Variants in TMEM201 observed in about 807,000 individuals in gnomAD.
TMEM201 encodes transmembrane protein 201, also known as RP13-15M17.2.
TMEM201 carries 26 observed loss-of-function variants against 63.4 expected under a neutral mutation model. The ratio of observed to expected loss-of-function variants is 0.41; its 90% CI spans 0.30 to 0.57. The LOEUF is 0.57. Ranked by LOEUF, TMEM201 falls within the 20% of genes least tolerant of loss-of-function variation. The probability of loss-of-function intolerance (pLI) is 0.29; values close to 1 mark genes in which losing one functional copy is unlikely to be tolerated. For missense variants in TMEM201, 794 were observed against 917.7 expected (o/e 0.87, Z 1.74); for synonymous variants, 417 against 421.6 (o/e 0.99, Z 0.14).
chr1:9,589,668 C>G (rs1439714415), intron 1 of TMEM201, among the ~76,000 whole-genome samples: 1 of 152,258 alleles, frequency 6.6e-6, no homozygotes, highest in African/African-American at 2.4e-5. Context: ...CTGCCCGGCT[C>G]ACGGGCCATG....
chr1:9,610,343 TCTC>T lies in TMEM201; in HGVS notation c.1466-157_1466-155del, dbSNP rs1299010369. ...CCTCAGGTGCCTGGTAGAGGGCACC[TCTC>T]CTCCTTCAGCTTTGCAGCAGGACTT... On this transcript the variant is annotated intron_variant, in intron 8 of 10. Coordinates refer to ENST00000340381, the MANE Select transcript of TMEM201 (RefSeq NM_001130924.3). The surrounding 1 kb of genome is among the most constrained non-coding windows in gnomAD (Gnocchi z 4.9). 6.6e-6 allele frequency among the ~76,000 whole-genome samples: 1 copy of T among 152,154 alleles called. No individual in the cohort carries two copies. The highest frequency in any genetic ancestry group is 1.5e-5 in the Non-Finnish European group (1 of 68,022).
rs1320553842 is a variant in TMEM201 at position 9,608,445 on chromosome 1, G to T, written c.1393+656G>T. 2.6e-5 allele frequency among the ~76,000 whole-genome samples: 4 copies of T among 152,180 alleles called. No individual in the cohort carries two copies. The highest frequency in any genetic ancestry group is 5.9e-5 in the Non-Finnish European group (4 of 68,026). Reference sequence around the variant, plus strand: ...GGAGGAGATGCTGATAACAGCCAAGGCCCCTCTCCTCTCGTGCAGTTACAG... The same window carrying T: ...GGAGGAGATGCTGATAACAGCCAAGTCCCCTCTCCTCTCGTGCAGTTACAG... On this transcript the variant is annotated intron_variant, in intron 7 of 10. Coordinates refer to ENST00000340381, the MANE Select transcript of TMEM201 (RefSeq NM_001130924.3). The surrounding 1 kb of genome is among the most constrained non-coding windows in gnomAD (Gnocchi z 4.3).
rs1644182007 is a variant in TMEM201, at chr1:9,603,314, G to A, written c.1160+1042G>A. On this transcript the variant is annotated intron_variant, in intron 6 of 10. Transcript: ENST00000340381. This position sits in a 1 kb window ranked among gnomAD's most constrained non-coding sequence, Gnocchi z 4.5. ...GGACCCCTCTCCATAGCCCTTGGGT[G>A]CCAGCTCAGTGGGTGTGGGGATCAC... 2.0e-6 allele frequency: 2 copies of A among 985,000 alleles called. No homozygotes were observed. The highest frequency in any genetic ancestry group is 2.4e-6 in the Non-Finnish European group (2 of 829,510). The allele number at this position is 985,000 out of a possible 1,614,324, so 61.0% of individuals were successfully genotyped here.
Position 9,603,041 on chromosome 1 carries a change from T to C in TMEM201, c.1160+769T>C. On this transcript the variant is annotated intron_variant, in intron 6 of 10. Coordinates refer to ENST00000340381, the MANE Select transcript of TMEM201 (RefSeq NM_001130924.3). The surrounding 1 kb of genome is among the most constrained non-coding windows in gnomAD (Gnocchi z 4.5). ...AGGCAGTAGGAGCCTGTGCTGACCT[T>C]GGGGAATCTGAGCTTTTCCAAGGGT... The C allele has an allele frequency of 1.0e-6, 1 of 985,438 alleles. No homozygotes were observed. Among genetic ancestry groups the C allele is most frequent in the Non-Finnish European group, 1.2e-6 (1 of 829,974 alleles). 61.0% of individuals were successfully genotyped at this position (985,438 alleles called of 1,614,324 possible). A position where few individuals can be genotyped will look rare whatever the true frequency, so the allele number is the denominator to read the frequency against.
At position 9,604,385 on chromosome 1, in the gene TMEM201, G is replaced by A. The variant is rs146782539; in HGVS notation, c.1160+2113G>A. On this transcript the variant is annotated intron_variant, in intron 6 of 10. Transcript: ENST00000340381. The surrounding 1 kb of genome is among the most constrained non-coding windows in gnomAD (Gnocchi z 4.1). ...AGCAGAGTGAGGATTCCTGCCTTTC[G>A]TAGAGTTTTGTGTGACTTTTTAAAT... is the stretch of plus-strand genomic sequence containing the variant. The A allele has an allele frequency of 3.2e-4, 317 of 985,394 alleles. 2 individuals carry two copies. The African/African-American group carries it at 5.1e-3, about 16-fold the overall frequency. The allele number at this position is 985,394 out of a possible 1,614,324, so 61.0% of individuals were successfully genotyped here.
Position 9,610,559 on chromosome 1 carries a change from G to A in TMEM201, c.1519G>A (p.Ala507Thr), listed in dbSNP as rs1251502794. Residue 507 changes from alanine to threonine, a missense_variant, in exon 9 of 11, where the codon GCG becomes ACG. Transcript: ENST00000340381. The surrounding 1 kb of genome is among the most constrained non-coding windows in gnomAD (Gnocchi z 4.9). ...SCPSSPLPSP[A>T]PSVAGSVASS... ...CCCCTCCTCCCCACTCCCTTCCCCA[G>A]CGCCTTCCGTGGCCGGCTCGGTGGC... 1.4e-5 allele frequency: 22 copies of A among 1,549,602 alleles called. No homozygotes were observed. The highest frequency in any genetic ancestry group is 1.9e-5 in the Non-Finnish European group (22 of 1,146,360).
rs749675802 is a variant in TMEM201, at chr1:9,598,637, C to T, written c.606+12C>T. ...AGACCCACGCACAGGTGAGAGGCGG[C>T]ATCCACAGGGCGGGGGTGGGGGTGT... is the stretch of plus-strand genomic sequence containing the variant. On this transcript the variant is annotated intron_variant, in intron 4 of 10. Transcript: ENST00000340381. 1 of 1,609,270 alleles carries T rather than the reference C, an allele frequency of 6.2e-7. No individual in the cohort carries two copies. Among genetic ancestry groups the T allele is most frequent in the Admixed American group, 1.7e-5 (1 of 59,834 alleles).
At chr1:9,590,190 AGTCTCTCCATGTCG>A (rs1486885795) in intron 1 of TMEM201, among the ~76,000 whole-genome samples, 11 of 152,256 alleles carry the variant, frequency 7.2e-5, no homozygotes, top group Middle Eastern at 3.4e-3. Flanking sequence ...TGACAACCCA[AGTCTCTCCATGTCG>A]GTTTCTGCTG....
chr1:9,595,576 C>T (rs962280730), intron 1 of TMEM201, among the ~76,000 whole-genome samples: 15 of 152,046 alleles, frequency 9.9e-5, no homozygotes, highest in East Asian at 1.9e-4. Context: ...GGTCCCCGTG[C>T]GGCCGCACTG....
At chr1:9,599,501 C>T (rs1419853516) in intron 4 of TMEM201, among the ~76,000 whole-genome samples, 4 of 152,104 alleles carry the variant, frequency 2.6e-5, no homozygotes, top group South Asian at 4.1e-4. Flanking sequence ...ATGATCCACC[C>T]GCCTTGGCCT....
chr1:9,599,772 G>A (rs1183742504), intron 4 of TMEM201, among the ~76,000 whole-genome samples: 1 of 151,704 alleles, frequency 6.6e-6, no homozygotes, highest in Non-Finnish European at 1.5e-5. Flanking sequence ...ACAGGCACCT[G>A]GCTAATTTTT....
In TMEM201 at chr1:9,602,115, C is replaced by T; in HGVS notation, c.1003C>T (p.Leu335=). 1 of 1,613,126 alleles carries T rather than the reference C, an allele frequency of 6.2e-7. No individual in the cohort carries two copies. Among genetic ancestry groups the T allele is most frequent in the African/African-American group, 1.3e-5 (1 of 75,068 alleles). The stretch of plus-strand genomic sequence containing the variant: ...CTGCACCTGCCTGTGGGCCCTGCTG[C>T]TGGGGCTGCACCTGGCTGAGCAGCA... ...AFCTCLWALL[L]GLHLAEQHLQ... is the part of the protein sequence containing the mutation. The change falls in exon 6 of 11, where the codon CTG becomes TTG. Residue 335 remains leucine (L), a synonymous_variant. Coordinates refer to ENST00000340381, the MANE Select transcript of TMEM201 (RefSeq NM_001130924.3).
chr1:9,611,050 C>A (rs977054819), intron 9 of TMEM201: 23 of 1,522,542 alleles, frequency 1.5e-5, no homozygotes, highest in Admixed American at 5.9e-5. Context: ...TGGAACTGAT[C>A]GAAAACACAT....
chr1:9,604,656 A>T lies in TMEM201; in HGVS notation c.1160+2384A>T. The T allele has an allele frequency of 4.1e-6, 4 of 985,710 alleles. No homozygotes were observed. Among genetic ancestry groups the T allele is most frequent in the Non-Finnish European group, 4.8e-6 (4 of 829,954 alleles). The allele number at this position is 985,710 out of a possible 1,614,324, so 61.1% of individuals were successfully genotyped here. On this transcript the variant is annotated intron_variant, in intron 6 of 10. Transcript: ENST00000340381. The surrounding 1 kb of genome is among the most constrained non-coding windows in gnomAD (Gnocchi z 4.1). Reference sequence around the variant, plus strand: ...AGACATAAGCGAGGTAGATTCAGCCATCCTCACCCTCAGACTTGAGGTCCC... The same window carrying T: ...AGACATAAGCGAGGTAGATTCAGCCTTCCTCACCCTCAGACTTGAGGTCCC...
In TMEM201 at chr1:9,588,986, G is replaced by C. The variant is rs1643874300; in HGVS notation, c.56G>C (p.Gly19Ala). The part of the protein sequence containing the change: ...ARCPTAGLAG[G>A]LGVTACAAAG... ...TGCCCCACGGCCGGCCTGGCCGGCG[G>C]CCTGGGGGTCACGGCGTGCGCCGCG... Residue 19 changes from glycine to alanine, a missense_variant, in exon 1 of 11, where the codon GGC becomes GCC. Transcript: ENST00000340381. 4 of 1,223,766 alleles carry C rather than the reference G, an allele frequency of 3.3e-6. No homozygotes were observed. The highest frequency in any genetic ancestry group is 4.1e-6 in the Non-Finnish European group (4 of 969,084). The allele number at this position is 1,223,766 out of a possible 1,614,324, so 75.8% of individuals were successfully genotyped here.
In TMEM201 at chr1:9,610,728, A is replaced by C. The variant is rs1393917044; in HGVS notation, c.1688A>C (p.His563Pro). ...TPSSSDEHSP[H>P]NGSLFTMEPP... is the part of the protein sequence containing the mutation. ...AGCAGCTCCGATGAGCACTCGCCTC[A>C]CAACGGCAGCCTCTTCACCATGGAG... Residue 563 changes from histidine (H) to proline (P), a missense_variant, in exon 9 of 11, where the codon CAC (histidine) becomes CCC (proline). By Grantham distance (77) the His-to-Pro change is moderately conservative (BLOSUM62 -2). Transcript: ENST00000340381. This position sits in a 1 kb window ranked among gnomAD's most constrained non-coding sequence, Gnocchi z 4.9. The C allele has an allele frequency of 6.5e-7, 1 of 1,550,378 alleles. No individual in the cohort carries two copies. The highest frequency in any genetic ancestry group is 1.2e-5 in the South Asian group (1 of 84,054).
chr1:9,603,770 A>G lies in TMEM201; in HGVS notation c.1160+1498A>G. 2 of 985,366 alleles carry G rather than the reference A, an allele frequency of 2.0e-6. No individual in the cohort carries two copies. Among genetic ancestry groups the G allele is most frequent in the Non-Finnish European group, 2.4e-6 (2 of 829,916 alleles). 61.0% of individuals were successfully genotyped at this position (985,366 alleles called of 1,614,324 possible). A position where few individuals can be genotyped will look rare whatever the true frequency, so the allele number is the denominator to read the frequency against. On this transcript the variant is annotated intron_variant, in intron 6 of 10. Coordinates refer to ENST00000340381, the MANE Select transcript of TMEM201 (RefSeq NM_001130924.3). The surrounding 1 kb of genome is among the most constrained non-coding windows in gnomAD (Gnocchi z 4.5). Reference sequence around the variant, plus strand: ...CAGCTCACATCCCACCCAGCTTCACAAGTGAGGAACCCAGGTGCATCGGGA... The same window carrying G: ...CAGCTCACATCCCACCCAGCTTCACGAGTGAGGAACCCAGGTGCATCGGGA...
At chr1:9,593,517 G>A (rs1270180768) in intron 1 of TMEM201, among the ~76,000 whole-genome samples, 2 of 152,198 alleles carry the variant, frequency 1.3e-5, no homozygotes, top group South Asian at 2.1e-4. Context: ...TAGAGCTGCT[G>A]GCCCCAGGGA....
In TMEM201 at chr1:9,612,098, C is replaced by A. The variant is rs138024043; in HGVS notation, c.1903+208C>A. Among the ~76,000 whole-genome samples, 17 of 152,368 alleles carry A rather than the reference C, an allele frequency of 1.1e-4. No homozygotes were observed. In the East Asian group the frequency reaches 3.3e-3, roughly 29 times the overall value. ...CCCCTCTCGGGATTTGGGCCCCGATCTGCACTATTCCAGTAGCTTCTGGCC... is the reference window on the plus strand; with the variant it reads ...CCCCTCTCGGGATTTGGGCCCCGATATGCACTATTCCAGTAGCTTCTGGCC... On this transcript the variant is annotated intron_variant, in intron 10 of 10. Coordinates refer to ENST00000340381, the MANE Select transcript of TMEM201 (RefSeq NM_001130924.3).
Sources: gnomAD v4.1 joint callset for allele counts (sites outside exome capture counted in the v4.1 genomes callset) on GRCh38, gnomAD v4.1.1 for gene constraint, Gnocchi (gnomAD v3.1) non-coding constraint, MANE v1.5 for transcripts, NCBI Gene and HGNC (gene_info 2026-07-23, HGNC 2026-07-21) for gene names.